KIRREL3: variants seen among roughly 807,000 people sequenced by gnomAD.
KIRREL3 encodes kirre like nephrin family adhesion molecule 3.
In KIRREL3, 36 loss-of-function variants were observed where a neutral mutation model predicts 89.7. The ratio of observed to expected loss-of-function variants is 0.40; its 90% CI spans 0.31 to 0.53. KIRREL3 has a LOEUF of 0.53. Ranked by LOEUF, KIRREL3 falls within the 20% of genes least tolerant of loss-of-function variation. KIRREL3 has a pLI of 0.49. For missense variants in KIRREL3, 864 were observed against 1,056.6 expected (o/e 0.82, Z 2.53); for synonymous variants, 445 against 441.4 (o/e 1.01, Z -0.10).
chr11:126,690,306 C>G (rs761758681), intron 1 of KIRREL3, among the ~76,000 whole-genome samples: 7 of 151,884 alleles, frequency 4.6e-5, no homozygotes, highest in Non-Finnish European at 7.4e-5. Context: ...AGCCTAAATA[C>G]TTAACCATTT....
In KIRREL3 at chr11:126,782,416, G is replaced by A. The variant is rs1407102632; in HGVS notation, c.55+218039C>T. 6.6e-6 allele frequency among the ~76,000 whole-genome samples: 1 copy of A among 152,216 alleles called. No homozygotes were observed. The highest frequency in any genetic ancestry group is 6.5e-5 in the Admixed American group (1 of 15,288). ...CAGTTCCCTTTGTGAGACTAGGTTT[G>A]GGTATTAGAGAAGACGAGGGAGAAA... On this transcript the variant is annotated intron_variant, in intron 1 of 16. Coordinates refer to ENST00000525144, the MANE Select transcript of KIRREL3 (RefSeq NM_032531.4). The surrounding 1 kb of genome is among the most constrained non-coding windows in gnomAD (Gnocchi z 4.1).
chr11:126,841,526 T>C (rs1943962197), intron 1 of KIRREL3, among the ~76,000 whole-genome samples: 1 of 152,236 alleles, frequency 6.6e-6, no homozygotes, highest in Non-Finnish European at 1.5e-5. Flanking sequence ...AAGATTGCTG[T>C]AATTCATTAT....
chr11:126,834,526 C>A (rs1287500436), intron 1 of KIRREL3, among the ~76,000 whole-genome samples: 3 of 152,214 alleles, frequency 2.0e-5, no homozygotes, highest in Admixed American at 2.0e-4. Context: ...ATCTCATCTG[C>A]TCACTATTGA....
chr11:126,426,218 G>A (rs561061292), intron 15 of KIRREL3, among the ~76,000 whole-genome samples: 6 of 152,318 alleles, frequency 3.9e-5, no homozygotes, highest in South Asian at 4.1e-4. Flanking sequence ...CTTTTCCAGC[G>A]TGCAGGCCTA....
rs1945950709 is a variant in KIRREL3 at position 126,892,196 on chromosome 11, A to G, written c.55+108259T>C. Reference sequence around the variant, plus strand: ...TCCTAATTGAAATTTTACAGGGAACAATATTTAAAATAGCTAAGAGGGGCT... The same window carrying G: ...TCCTAATTGAAATTTTACAGGGAACGATATTTAAAATAGCTAAGAGGGGCT... On this transcript the variant is annotated intron_variant, in intron 1 of 16. Coordinates refer to ENST00000525144, the MANE Select transcript of KIRREL3 (RefSeq NM_032531.4). This position sits in a 1 kb window ranked among gnomAD's most constrained non-coding sequence, Gnocchi z 5.4. 6.6e-6 allele frequency among the ~76,000 whole-genome samples: 1 copy of G among 152,128 alleles called. No individual in the cohort carries two copies. The highest frequency in any genetic ancestry group is 6.5e-5 in the Admixed American group (1 of 15,284).
rs996088952 is a variant in KIRREL3, at chr11:126,668,897, G to C, written c.56-105985C>G. On this transcript the variant is annotated intron_variant, in intron 1 of 16. Coordinates refer to ENST00000525144, the MANE Select transcript of KIRREL3 (RefSeq NM_032531.4). The surrounding 1 kb of genome is among the most constrained non-coding windows in gnomAD (Gnocchi z 4.4). ...TCCTATAGGCGTTTGGTCATTGCAGGGTTAAGAAAATTTGAGCCGTTCCTT... is the reference window on the plus strand; with the variant it reads ...TCCTATAGGCGTTTGGTCATTGCAGCGTTAAGAAAATTTGAGCCGTTCCTT... Among the ~76,000 whole-genome samples, 3 of 151,952 alleles carry C rather than the reference G, an allele frequency of 2.0e-5. No homozygotes were observed. Among genetic ancestry groups the C allele is most frequent in the Non-Finnish European group, 2.9e-5 (2 of 68,002 alleles).
rs1037076118 is a variant in KIRREL3 at position 126,908,304 on chromosome 11, T to C, written c.55+92151A>G. Reference sequence around the variant, plus strand: ...AAGACTAAGAGATTTTTATGATCATTTTGTCCAGCCAAGACTAAGAGATCT... The same window carrying C: ...AAGACTAAGAGATTTTTATGATCATCTTGTCCAGCCAAGACTAAGAGATCT... On this transcript the variant is annotated intron_variant, in intron 1 of 16. Coordinates refer to ENST00000525144, the MANE Select transcript of KIRREL3 (RefSeq NM_032531.4). This position sits in a 1 kb window ranked among gnomAD's most constrained non-coding sequence, Gnocchi z 4.2. 1.2e-4 allele frequency among the ~76,000 whole-genome samples: 18 copies of C among 152,188 alleles called. No homozygotes were observed. Among genetic ancestry groups the C allele is most frequent in the Non-Finnish European group, 2.5e-4 (17 of 68,042 alleles).
rs1958944932 is a variant in KIRREL3, at chr11:126,531,563, A to C, written c.134-4876T>G. Among the ~76,000 whole-genome samples, 1 of 146,686 alleles carries C rather than the reference A, an allele frequency of 6.8e-6. No individual in the cohort carries two copies. Among genetic ancestry groups the C allele is most frequent in the Non-Finnish European group, 1.5e-5 (1 of 66,634 alleles). ...GGGATGCACTGCATCCCCCCACCCA[A>C]GGCTCCCCCACCCAAGGCCCCCCCT... On this transcript the variant is annotated intron_variant, in intron 2 of 16. Coordinates refer to ENST00000525144, the MANE Select transcript of KIRREL3 (RefSeq NM_032531.4). The surrounding 1 kb of genome is among the most constrained non-coding windows in gnomAD (Gnocchi z 4.7).
At chr11:126,956,858 C>A (rs1948936934) in intron 1 of KIRREL3, among the ~76,000 whole-genome samples, 1 of 152,182 alleles carries the variant, frequency 6.6e-6, no homozygotes, top group South Asian at 2.1e-4. Context: ...CTTTTTACAA[C>A]CGCTGCCAGG....
At chr11:126,448,390 C>T (rs1955906488) in intron 8 of KIRREL3, among the ~76,000 whole-genome samples, 3 of 152,080 alleles carry the variant, frequency 2.0e-5, no homozygotes. Flanking sequence ...TGGTCATTGC[C>T]TGGGTTCAGT....
intron 1 of KIRREL3, among the ~76,000 whole-genome samples, chr11:126,784,303 AG>A (rs1345619661): frequency 6.6e-6 from 1 of 152,266 alleles, no homozygotes; most frequent in Non-Finnish European, 1.5e-5. Context: ...TTAACAATAA[AG>A]AAAACTGGGT....
chr11:126,437,021 C>T lies in KIRREL3; in HGVS notation c.1354-12G>A, dbSNP rs376054166. On this transcript the variant is annotated splice_polypyrimidine_tract_variant and intron_variant, in intron 11 of 16. Transcript: ENST00000525144. The stretch of plus-strand genomic sequence containing the variant: ...TTCCAGGACCAGGCCTGCCCGGGGG[C>T]GCAGAATCAGGAGGAGACCCCACCA... 1.2e-4 allele frequency: 179 copies of T among 1,511,230 alleles called. 1 individual carries two copies. The African/African-American group carries it at 1.3e-3, about 11-fold the overall frequency. The allele number at this position is 1,511,230 out of a possible 1,614,324, so 93.6% of individuals were successfully genotyped here. A position where few individuals can be genotyped will look rare whatever the true frequency, so the allele number is the denominator to read the frequency against.
rs1287388376 is a variant in KIRREL3, at chr11:126,761,222, G to C, written c.56-198310C>G. Among the ~76,000 whole-genome samples, 1 of 152,200 alleles carries C rather than the reference G, an allele frequency of 6.6e-6. No homozygotes were observed. The highest frequency in any genetic ancestry group is 2.4e-5 in the African/African-American group (1 of 41,440). On this transcript the variant is annotated intron_variant, in intron 1 of 16. Transcript: ENST00000525144. This position sits in a 1 kb window ranked among gnomAD's most constrained non-coding sequence, Gnocchi z 4.4. ...GGTGTTGGCAGGGACTCGGGACCCT[G>C]CAAGACCCAGTGGGAAAGGAAAGGT...
chr11:126,730,401 A>T (rs1948569039), intron 1 of KIRREL3, among the ~76,000 whole-genome samples: 1 of 152,236 alleles, frequency 6.6e-6, no homozygotes, highest in Non-Finnish European at 1.5e-5. Context: ...ACGTCTGGTC[A>T]ATCATGCCTT....
In KIRREL3 at chr11:126,754,279, A is replaced by G. The variant is rs532555729; in HGVS notation, c.56-191367T>C. Reference sequence around the variant, plus strand: ...CTAAATTTATTGCATTAGCTTTGAGAAGACTTTTAATAGAAAGTGAGATTA... The same window carrying G: ...CTAAATTTATTGCATTAGCTTTGAGGAGACTTTTAATAGAAAGTGAGATTA... On this transcript the variant is annotated intron_variant, in intron 1 of 16. Coordinates refer to ENST00000525144, the MANE Select transcript of KIRREL3 (RefSeq NM_032531.4). The surrounding 1 kb of genome is among the most constrained non-coding windows in gnomAD (Gnocchi z 5.1). Among the ~76,000 whole-genome samples, 2 of 152,326 alleles carry G rather than the reference A, an allele frequency of 1.3e-5. No homozygotes were observed. Among genetic ancestry groups the G allele is most frequent in the South Asian group, 4.1e-4 (2 of 4,824 alleles).
rs987906887 is a variant in KIRREL3, at chr11:126,428,854, C to T, written c.1806+325G>A. 9.2e-5 allele frequency among the ~76,000 whole-genome samples: 14 copies of T among 152,192 alleles called. No homozygotes were observed. The highest frequency in any genetic ancestry group is 3.4e-4 in the African/African-American group (14 of 41,430). On this transcript the variant is annotated intron_variant, in intron 15 of 16. Coordinates refer to ENST00000525144, the MANE Select transcript of KIRREL3 (RefSeq NM_032531.4). The surrounding 1 kb of genome is among the most constrained non-coding windows in gnomAD (Gnocchi z 6.4). ...TAGAGATGTAGTTTCACCATGTTGG[C>T]CAGGCTGGTCTCGAACTCCTAATCT...
rs1317440755 is a variant in KIRREL3, at chr11:126,496,943, G to A, written c.434-23477C>T. Reference sequence around the variant, plus strand: ...GTGGGCAGAACTGAGCAATGGAGGAGGAGGCCCACCCTTGCTGTAGGGAAA... The same window carrying A: ...GTGGGCAGAACTGAGCAATGGAGGAAGAGGCCCACCCTTGCTGTAGGGAAA... On this transcript the variant is annotated intron_variant, in intron 4 of 16. Transcript: ENST00000525144. The surrounding 1 kb of genome is among the most constrained non-coding windows in gnomAD (Gnocchi z 4.9). Among the ~76,000 whole-genome samples, 5 of 152,180 alleles carry A rather than the reference G, an allele frequency of 3.3e-5. No homozygotes were observed. Among genetic ancestry groups the A allele is most frequent in the African/African-American group, 1.2e-4 (5 of 41,450 alleles).
At chr11:126,824,230 A>G (rs1943328686) in intron 1 of KIRREL3, among the ~76,000 whole-genome samples, 1 of 152,186 alleles carries the variant, frequency 6.6e-6, no homozygotes, top group African/African-American at 2.4e-5. Context: ...ACAAACAAGC[A>G]TTCTCATCCG....
intron 4 of KIRREL3, among the ~76,000 whole-genome samples, chr11:126,478,669 GTA>G (rs1196774395): frequency 1.3e-5 from 2 of 152,048 alleles, no homozygotes; most frequent in Non-Finnish European, 2.9e-5. Context: ...ATGTATATAT[GTA>G]TGTGTATGTA....
Sources: gnomAD v4.1 joint callset for allele counts (sites outside exome capture counted in the v4.1 genomes callset) on GRCh38, gnomAD v4.1.1 for gene constraint, Gnocchi (gnomAD v3.1) non-coding constraint, MANE v1.5 for transcripts, NCBI Gene and HGNC (gene_info 2026-07-23, HGNC 2026-07-21) for gene names.